Variants in SLC39A12 observed in about 807,000 individuals in gnomAD.
SLC39A12 encodes the protein solute carrier family 39 member 12.
In SLC39A12, 63 loss-of-function variants were observed where a neutral mutation model predicts 71.1. That is an observed-to-expected ratio of 0.89 (90% CI 0.72 to 1.09). The LOEUF (loss-of-function observed/expected upper bound fraction) is 1.09. Among genes scored for constraint, SLC39A12 ranks in the 50% least tolerant of loss-of-function variants. The pLI, the probability that SLC39A12 is intolerant of heterozygous loss-of-function variation, is 0.00. For synonymous variants in SLC39A12, 351 were observed against 301.3 expected (o/e 1.16, Z -1.71); for missense variants, 892 against 812.6 (o/e 1.10, Z -1.19).
At chr10:17,972,735 G>A (rs1378217035) in intron 4 of SLC39A12, among the ~76,000 whole-genome samples, 1 of 151,714 alleles carries the variant, frequency 6.6e-6, no homozygotes, top group African/African-American at 2.4e-5. Context: ...ATTTATAGGT[G>A]AAGTGTGTTT....
intron 12 of SLC39A12, among the ~76,000 whole-genome samples, chr10:18,030,474 C>T (rs1057201516): frequency 1.3e-5 from 2 of 151,748 alleles, no homozygotes; most frequent in African/African-American, 4.8e-5. Context: ...CTCCTGACCT[C>T]GTGATCCGCC....
intron 12 of SLC39A12, among the ~76,000 whole-genome samples, chr10:18,018,399 C>T (rs375271603): frequency 4.6e-5 from 7 of 152,152 alleles, no homozygotes; most frequent in South Asian, 2.1e-4. Context: ...TTGCATTAGC[C>T]GGAACTTCCA....
intron 3 of SLC39A12, among the ~76,000 whole-genome samples, chr10:17,964,571 A>G (rs1216876482): frequency 1.3e-5 from 2 of 152,222 alleles, no homozygotes; most frequent in East Asian, 3.9e-4. Context: ...GATATAAAGC[A>G]AAATTAGAGC....
chr10:17,963,376 G>C (rs944138770), intron 3 of SLC39A12, among the ~76,000 whole-genome samples: 1 of 152,238 alleles, frequency 6.6e-6, no homozygotes, highest in Non-Finnish European at 1.5e-5. Flanking sequence ...AAGGTGATGT[G>C]GTGTGTATTT....
chr10:17,965,783 G>A lies in SLC39A12; in HGVS notation c.751+93G>A, dbSNP rs1006305853. The A allele has an allele frequency of 3.2e-5, 32 of 1,013,618 alleles. No individual in the cohort carries two copies. In the East Asian group the frequency reaches 5.2e-4, roughly 16 times the overall value. The allele number at this position is 1,013,618 out of a possible 1,614,324, so 62.8% of individuals were successfully genotyped here. ...GCCAAAGCTCTTGATGACTGAATTC[G>A]TTCAGGTATGTTTTAAATACCATTT... On this transcript the variant is annotated intron_variant, in intron 4 of 12. Transcript: ENST00000377369.
chr10:17,982,862 C>A (rs74118072), intron 6 of SLC39A12, among the ~76,000 whole-genome samples: 3,381 of 152,138 alleles, frequency 0.022, 112 homozygotes, highest in African/African-American at 0.074. Context: ...AATAGTCTTC[C>A]TGGGAAACCT....
rs750550444 is a variant in SLC39A12 at position 18,000,848 on chromosome 10, T to A, written c.1759+23T>A. 8.1e-6 allele frequency: 13 copies of A among 1,608,566 alleles called. 1 individual carries two copies. The Admixed American group carries it at 2.0e-4, about 25-fold the overall frequency. ...TGGGTAAGTTCAACAATGGAATTAC[T>A]GTTTCTGGCCTGTTGAGAAAGAAAT... On this transcript the variant is annotated intron_variant, in intron 11 of 12. Coordinates refer to ENST00000377369, the MANE Select transcript of SLC39A12 (RefSeq NM_001145195.2).
chr10:17,991,210 T>A lies in SLC39A12; in HGVS notation c.1329T>A (p.Gly443=). Reference sequence around the variant, plus strand: ...TTGGGCATTTCCATGAAAGCAAAGGTCATATTTGGAAACTGATGGGATTAA... The same window carrying A: ...TTGGGCATTTCCATGAAAGCAAAGGACATATTTGGAAACTGATGGGATTAA... The part of the protein sequence containing the change: ...PEFGHFHESK[G]HIWKLMGLIG... Residue 443 remains glycine, a synonymous_variant, in exon 8 of 13, where the codon GGT becomes GGA. Coordinates refer to ENST00000377369, the MANE Select transcript of SLC39A12 (RefSeq NM_001145195.2). 2 of 1,597,402 alleles carry A rather than the reference T, an allele frequency of 1.3e-6. No individual in the cohort carries two copies. The highest frequency in any genetic ancestry group is 1.7e-6 in the Non-Finnish European group (2 of 1,173,926).
At chr10:17,954,884 T>C (rs1834500383) in intron 2 of SLC39A12, among the ~76,000 whole-genome samples, 1 of 151,970 alleles carries the variant, frequency 6.6e-6, no homozygotes, top group African/African-American at 2.4e-5. Flanking sequence ...AACAGAAGAG[T>C]TCTTGCTCAT....
At chr10:17,959,375 A>C (rs1554848083) in intron 2 of SLC39A12, among the ~76,000 whole-genome samples, 1 of 151,964 alleles carries the variant, frequency 6.6e-6, no homozygotes, top group Non-Finnish European at 1.5e-5. Flanking sequence ...GGAGAGATTA[A>C]AGTCTGTGTG....
intron 12 of SLC39A12, among the ~76,000 whole-genome samples, chr10:18,033,835 A>T (rs1049351081): frequency 5.9e-5 from 9 of 151,702 alleles, no homozygotes; most frequent in Non-Finnish European, 1.3e-4. Context: ...CGTCCCAGAG[A>T]TTCTGGTATG....
chr10:17,969,018 A>G (rs1834902267), intron 4 of SLC39A12, among the ~76,000 whole-genome samples: 1 of 152,194 alleles, frequency 6.6e-6, no homozygotes, highest in Non-Finnish European at 1.5e-5. Context: ...TTTAGATCCC[A>G]CAAATAAGTG....
chr10:18,006,147 T>G (rs1361138624), intron 12 of SLC39A12, among the ~76,000 whole-genome samples: 1 of 152,222 alleles, frequency 6.6e-6, no homozygotes, highest in Non-Finnish European at 1.5e-5. Flanking sequence ...ATTGACCAGG[T>G]ACCTTCTGAA....
At chr10:17,978,997 C>T in intron 5 of SLC39A12, among the ~76,000 whole-genome samples, 1 of 152,216 alleles carries the variant, frequency 6.6e-6, no homozygotes, top group East Asian at 1.9e-4. Context: ...AGAACTCTGT[C>T]TTTTAAGAAG....
intron 6 of SLC39A12, 53 bp from the exon 7 acceptor site, chr10:17,987,426 C>T: frequency 6.4e-7 from 1 of 1,573,428 alleles, no homozygotes; most frequent in Admixed American, 1.7e-5. Context: ...CCAGCTGAGG[C>T]CGGAATGGAG....
At chr10:17,952,431 A>G (rs2130762765) in intron 1 of SLC39A12, among the ~76,000 whole-genome samples, 1 of 151,558 alleles carries the variant, frequency 6.6e-6, no homozygotes, top group African/African-American at 2.4e-5. Context: ...TCTGAACATT[A>G]CTATTTTCTT....
At chr10:18,032,806 T>C (rs905996837) in intron 12 of SLC39A12, among the ~76,000 whole-genome samples, 1 of 151,094 alleles carries the variant, frequency 6.6e-6, no homozygotes, top group Non-Finnish European at 1.5e-5. Flanking sequence ...TAGCTCTTAT[T>C]ATTTTGAAAT....
chr10:17,967,096 C>T (rs527285467), intron 4 of SLC39A12, among the ~76,000 whole-genome samples: 4 of 152,220 alleles, frequency 2.6e-5, no homozygotes, highest in African/African-American at 7.2e-5. Context: ...TTCTTTTATA[C>T]GTGTCACACT....
intron 12 of SLC39A12, among the ~76,000 whole-genome samples, chr10:18,031,468 G>A (rs1414510882): frequency 2.1e-4 from 26 of 123,316 alleles, no homozygotes; most frequent in African/African-American, 7.1e-4. Flanking sequence ...GTCTGTTCAT[G>A]TCCTTCGCCC....
Sources: allele counts gnomAD v4.1 joint callset (sites outside exome capture counted in the v4.1 genomes callset), GRCh38; gene constraint gnomAD v4.1.1; transcripts MANE v1.5; gene names NCBI Gene and HGNC (gene_info 2026-07-23, HGNC 2026-07-21).